The following CRPPA variants were observed in gnomAD, a reference collection of about 807,000 sequenced individuals.
CRPPA encodes D-ribitol-5-phosphate cytidylyltransferase.
A neutral mutation model predicts 52.0 loss-of-function variants in CRPPA; 43 were observed. That is an observed-to-expected ratio of 0.83 (90% CI 0.65 to 1.07). The LOEUF (loss-of-function observed/expected upper bound fraction) is 1.07. Ranked by LOEUF, CRPPA falls within the 50% of genes least tolerant of loss-of-function variation. The probability of loss-of-function intolerance (pLI) is 0.00; values close to 1 mark genes in which losing one functional copy is unlikely to be tolerated. For missense variants in CRPPA, 629 were observed against 551.7 expected (o/e 1.14, Z -1.40); for synonymous variants, 250 against 203.5 (o/e 1.23, Z -1.94).
intron 9 of CRPPA, among the ~76,000 whole-genome samples, chr7:16,147,527 TTATC>T (rs1425705482): frequency 1.3e-5 from 2 of 152,214 alleles, no homozygotes; most frequent in African/African-American, 4.8e-5. Flanking sequence ...ATGCACTTAC[TTATC>T]TTTGTTCAAT....
In CRPPA at chr7:16,090,820, A is replaced by G. The variant is rs1340569885; in HGVS notation, c.*875T>C. 1 of 152,176 alleles carries G rather than the reference A, an allele frequency of 6.6e-6. No individual in the cohort carries two copies. The highest frequency in any genetic ancestry group is 1.5e-5 in the Non-Finnish European group (1 of 68,034). 9.4% of individuals were successfully genotyped at this position (152,176 alleles called of 1,614,324 possible). A position where few individuals can be genotyped will look rare whatever the true frequency, so the allele number is the denominator to read the frequency against. On this transcript the variant is annotated 3_prime_UTR_variant, in exon 10 of 10. Transcript: ENST00000407010. ...CCATAATTATAACATGCAAGGGAAA[A>G]TATTAATATTTCAGATGTATATACC... is the stretch of plus-strand genomic sequence containing the variant.
intron 2 of CRPPA, among the ~76,000 whole-genome samples, chr7:16,397,261 C>G (rs963020610): frequency 1.3e-5 from 2 of 152,090 alleles, no homozygotes; most frequent in African/African-American, 4.8e-5. Context: ...TACACATGAC[C>G]AACACAACAT....
intron 9 of CRPPA, among the ~76,000 whole-genome samples, chr7:16,168,908 T>C (rs1226681744): frequency 6.6e-6 from 1 of 152,154 alleles, no homozygotes; most frequent in Non-Finnish European, 1.5e-5. Flanking sequence ...TTTGGCTGAG[T>C]GTACCTGAAA....
chr7:16,113,797 T>G (rs1782314179), intron 9 of CRPPA, among the ~76,000 whole-genome samples: 1 of 151,786 alleles, frequency 6.6e-6, no homozygotes, highest in Admixed American at 6.6e-5. Context: ...TGAAAGTATA[T>G]CCTTAAAATC....
chr7:16,174,973 G>A (rs960044710), intron 9 of CRPPA, among the ~76,000 whole-genome samples: 10 of 152,084 alleles, frequency 6.6e-5, no homozygotes, highest in Admixed American at 4.6e-4. Flanking sequence ...TATACCTCAG[G>A]TCTCCAACTG....
At chr7:16,194,902 G>C (rs995797387) in intron 9 of CRPPA, among the ~76,000 whole-genome samples, 2 of 151,588 alleles carry the variant, frequency 1.3e-5, no homozygotes, top group Admixed American at 1.3e-4. Context: ...ATATTGTTGG[G>C]AGGTGGCTTC....
chr7:16,261,901 A>G (rs1295148), intron 6 of CRPPA: 148,281 of 152,176 alleles, frequency 0.97, 72,276 homozygotes, highest in East Asian at 1. Context: ...ATTACCAGAG[A>G]AAAATTTGGC....
At chr7:16,208,972 A>G (rs757055126) in intron 9 of CRPPA, 1 of 419,428 alleles carries the variant, frequency 2.4e-6, no homozygotes, top group Non-Finnish European at 4.8e-6. Flanking sequence ...AATCCACCAA[A>G]TTTTCTGTGA....
intron 9 of CRPPA, among the ~76,000 whole-genome samples, chr7:16,136,813 CAT>C (rs1277196979): frequency 6.6e-6 from 1 of 152,172 alleles, no homozygotes; most frequent in Non-Finnish European, 1.5e-5. Flanking sequence ...ATTTTGTACA[CAT>C]AGATCTCTTA....
At chr7:16,402,102 GGA>G (rs1787830770) in intron 2 of CRPPA, among the ~76,000 whole-genome samples, 5 of 80,840 alleles carry the variant, frequency 6.2e-5, no homozygotes, top group African/African-American at 1.8e-4. Context: ...CCCATAAAAG[GGA>G]AAGTCCCTCA....
intron 9 of CRPPA, among the ~76,000 whole-genome samples, chr7:16,102,729 G>A (rs989089769): frequency 2.0e-5 from 3 of 152,176 alleles, no homozygotes; most frequent in African/African-American, 7.2e-5. Flanking sequence ...GGTCAGTAGA[G>A]AAATGCAAAT....
chr7:16,412,873 A>G (rs1256190932), intron 1 of CRPPA, among the ~76,000 whole-genome samples: 1 of 152,238 alleles, frequency 6.6e-6, no homozygotes, highest in Non-Finnish European at 1.5e-5. Context: ...AAGAAATATA[A>G]TAACTCAAAA....
chr7:16,138,326 C>T (rs958463599), intron 9 of CRPPA, among the ~76,000 whole-genome samples: 1 of 152,054 alleles, frequency 6.6e-6, no homozygotes, highest in Non-Finnish European at 1.5e-5. Flanking sequence ...ATAGCACTGG[C>T]AAAGGTACTA....
chr7:16,201,944 T>C (rs983458394), intron 9 of CRPPA, among the ~76,000 whole-genome samples: 2 of 152,198 alleles, frequency 1.3e-5, no homozygotes, highest in Non-Finnish European at 2.9e-5. Flanking sequence ...GCCATTCTTT[T>C]CTTGCTCTTC....
At chr7:16,154,384 CCT>C (rs899031734) in intron 9 of CRPPA, among the ~76,000 whole-genome samples, 1 of 152,028 alleles carries the variant, frequency 6.6e-6, no homozygotes, top group Non-Finnish European at 1.5e-5. Context: ...TGTGTGTTCC[CCT>C]CTCTGTGTCC....
At chr7:16,221,026 A>C (rs937715097) in intron 8 of CRPPA, among the ~76,000 whole-genome samples, 9 of 152,038 alleles carry the variant, frequency 5.9e-5, no homozygotes, top group African/African-American at 2.2e-4. Context: ...GAGGCATCAC[A>C]CTACCTGACT....
chr7:16,150,564 T>C (rs940929582), intron 9 of CRPPA, among the ~76,000 whole-genome samples: 1 of 152,168 alleles, frequency 6.6e-6, no homozygotes, highest in Non-Finnish European at 1.5e-5. Context: ...ATCCATGCTA[T>C]TTTGCTATTT....
intron 3 of CRPPA, among the ~76,000 whole-genome samples, chr7:16,333,205 T>A (rs1044803200): frequency 6.6e-6 from 1 of 152,134 alleles, no homozygotes; most frequent in Non-Finnish European, 1.5e-5. Context: ...ACATACTCAA[T>A]GCAAATACAC....
chr7:16,298,457 C>T (rs1002551056), intron 5 of CRPPA, among the ~76,000 whole-genome samples: 1 of 152,122 alleles, frequency 6.6e-6, no homozygotes, highest in Non-Finnish European at 1.5e-5. Flanking sequence ...TATATGGAAA[C>T]AATAACACTA....
Sources: gnomAD v4.1 joint callset for allele counts (sites outside exome capture counted in the v4.1 genomes callset) on GRCh38, gnomAD v4.1.1 for gene constraint, MANE v1.5 for transcripts, NCBI Gene and HGNC (gene_info 2026-07-23, HGNC 2026-07-21) for gene names.